The following XRCC1 variants were observed in gnomAD, a reference collection of about 807,000 sequenced individuals.
XRCC1 encodes DNA repair protein XRCC1.
A neutral mutation model predicts 83.3 loss-of-function variants in XRCC1; 52 were observed. The ratio of observed to expected loss-of-function variants is 0.62; its 90% CI spans 0.50 to 0.79. XRCC1 has a LOEUF of 0.79. XRCC1 is among the 30% of genes least tolerant of loss of function. The pLI, the probability that XRCC1 is intolerant of heterozygous loss-of-function variation, is 0.00. For synonymous variants in XRCC1, 281 were observed against 312.6 expected, an observed-to-expected ratio of 0.90 and a Z score of 1.07; for missense variants, 793 against 823.5, an observed-to-expected ratio of 0.96 and a Z score of 0.45.
intron 10 of XRCC1, among the ~76,000 whole-genome samples, chr19:43,549,831 A>G (rs756870149): frequency 6.6e-6 from 1 of 152,126 alleles, no homozygotes; most frequent in Non-Finnish European, 1.5e-5. Flanking sequence ...AAAAATATAA[A>G]ATGCTTTGTG....
Position 43,543,341 on chromosome 19 carries a change from C to T in XRCC1, c.*51G>A, listed in dbSNP as rs1972472132. 1.1e-5 allele frequency: 12 copies of T among 1,044,566 alleles called. No individual in the cohort carries two copies. Among genetic ancestry groups the T allele is most frequent in the Non-Finnish European group, 1.4e-5 (10 of 700,290 alleles). The allele number at this position is 1,044,566 out of a possible 1,614,324, so 64.7% of individuals were successfully genotyped here. A position where few individuals can be genotyped will look rare whatever the true frequency, so the allele number is the denominator to read the frequency against. ...ACCAACTCATCTTTATTAAATGCAT[C>T]GTGTGTGTGTGTGTGTGTGTGTGTG... On this transcript the variant is annotated 3_prime_UTR_variant, in exon 17 of 17. Coordinates refer to ENST00000262887, the MANE Select transcript of XRCC1 (RefSeq NM_006297.3).
Position 43,546,087 on chromosome 19 carries a change from C to T in XRCC1, c.1446G>A (p.Ala482=), listed in dbSNP as rs368774314. The change falls in exon 13 of 17, where the codon GCG becomes GCA. Residue 482 remains alanine (A), a synonymous_variant. Coordinates refer to ENST00000262887, the MANE Select transcript of XRCC1 (RefSeq NM_006297.3). ...GVQSEGQDNG[A]EDSGDTEDEL... ...CATCCTCTGTGTCCCCAGAATCTTC[C>T]GCCCCATTGTCCTGTCCTTCTGCAA... 4.3e-6 allele frequency: 7 copies of T among 1,613,790 alleles called. No individual in the cohort carries two copies. The highest frequency in any genetic ancestry group is 1.3e-5 in the African/African-American group (1 of 74,916).
At chr19:43,570,658 G>A (rs564320908) in intron 2 of XRCC1, among the ~76,000 whole-genome samples, 1 of 152,158 alleles carries the variant, frequency 6.6e-6, no homozygotes, top group Non-Finnish European at 1.5e-5. Flanking sequence ...GGCGGCACAC[G>A]CCTGTAGTCC....
chr19:43,544,735 T>C (rs1289512114), intron 14 of XRCC1, among the ~76,000 whole-genome samples: 1 of 152,160 alleles, frequency 6.6e-6, no homozygotes, highest in African/African-American at 2.4e-5. Context: ...TCTCAAACTC[T>C]TGGGCTCAAG....
chr19:43,557,910 G>C (rs1972656220), intron 3 of XRCC1, among the ~76,000 whole-genome samples: 1 of 151,634 alleles, frequency 6.6e-6, no homozygotes, highest in Non-Finnish European at 1.5e-5. Context: ...TTGAAGAGTA[G>C]AGGTCAGTGA....
chr19:43,544,567 C>T (rs1482697615), intron 14 of XRCC1, among the ~76,000 whole-genome samples: 2 of 151,560 alleles, frequency 1.3e-5, no homozygotes, highest in African/African-American at 4.9e-5. Context: ...AGTGCAGTGG[C>T]GTGATCTTGC....
chr19:43,569,534 G>A (rs1176983177), intron 2 of XRCC1, among the ~76,000 whole-genome samples: 2 of 150,770 alleles, frequency 1.3e-5, no homozygotes, highest in Non-Finnish European at 2.9e-5. Flanking sequence ...TGTAATCCCA[G>A]CACTTTGGGA....
In XRCC1 at chr19:43,558,842, T is replaced by C. The variant is rs74655929; in HGVS notation, c.255+2068A>G. On this transcript the variant is annotated intron_variant, in intron 3 of 16. Coordinates refer to ENST00000262887, the MANE Select transcript of XRCC1 (RefSeq NM_006297.3). The stretch of plus-strand genomic sequence containing the variant: ...GAAAAGGCAAGTCTTTTTTTTTTTT[T>C]CAAAGTATTTTCAGCCAGGTGCAGT... Among the ~76,000 whole-genome samples, 907 of 151,800 alleles carry C rather than the reference T, an allele frequency of 6.0e-3. 13 individuals are homozygous for C. Among genetic ancestry groups the C allele is most frequent in the African/African-American group, 0.021 (850 of 41,434 alleles).
rs56357789 is a variant in XRCC1, at chr19:43,553,454, T to C, written c.548A>G (p.Asn183Ser). 9.7e-5 allele frequency: 156 copies of C among 1,613,916 alleles called. 2 individuals carry two copies. The East Asian group carries it at 3.2e-3, about 33-fold the overall frequency. The change falls in exon 6 of 17, where the codon AAC becomes AGC. Residue 183 changes from asparagine (N) to serine (S), a missense_variant. Physicochemically the swap from Asn to Ser is conservative, Grantham distance 46 (BLOSUM62 1). Coordinates refer to ENST00000262887, the MANE Select transcript of XRCC1 (RefSeq NM_006297.3). ...FRVKEEDESA[N>S]SLRPGALFFS... ...GAAGAGAGCCCCCGGCCTCAGAGAGTTGGCGCTCTCATCCTCCTCCTTCAC... is the reference window on the plus strand; with the variant it reads ...GAAGAGAGCCCCCGGCCTCAGAGAGCTGGCGCTCTCATCCTCCTCCTTCAC...
chr19:43,573,819 G>A, intron 2 of XRCC1, among the ~76,000 whole-genome samples: 1 of 152,156 alleles, frequency 6.6e-6, no homozygotes, highest in Non-Finnish European at 1.5e-5. Flanking sequence ...AGGCTGCAGT[G>A]AGCCAAGCCA....
chr19:43,574,625 G>C (rs1449423462), intron 2 of XRCC1: 7 of 390,950 alleles, frequency 1.8e-5, no homozygotes, highest in African/African-American at 2.0e-5. Context: ...GGCAGAGTAC[G>C]TGGCAATGAT....
intron 2 of XRCC1, among the ~76,000 whole-genome samples, chr19:43,564,464 T>C (rs1408786521): frequency 6.6e-6 from 1 of 152,138 alleles, no homozygotes; most frequent in East Asian, 1.9e-4. Context: ...CCTGTTACTG[T>C]TGTACAAATT....
chr19:43,552,969 C>G lies in XRCC1; in HGVS notation c.711+13G>C, dbSNP rs10407677. On this transcript the variant is annotated intron_variant, in intron 7 of 16. Coordinates refer to ENST00000262887, the MANE Select transcript of XRCC1 (RefSeq NM_006297.3). ...CTCTCCTCCTCCACCCCACCAAAGT[C>G]TGATGATTTCACCTTGGAGGTGCTG... 3 of 1,606,776 alleles carry G rather than the reference C, an allele frequency of 1.9e-6. No homozygotes were observed. In the East Asian group the frequency reaches 6.7e-5, roughly 36 times the overall value.
intron 2 of XRCC1, among the ~76,000 whole-genome samples, chr19:43,568,207 A>G (rs1279562040): frequency 6.6e-6 from 1 of 151,488 alleles, no homozygotes; most frequent in Non-Finnish European, 1.5e-5. Context: ...TTAAAAGAAT[A>G]AGGTAGGCTG....
intron 2 of XRCC1, among the ~76,000 whole-genome samples, chr19:43,574,245 T>C (rs1268186453): frequency 6.6e-6 from 1 of 152,038 alleles, no homozygotes; most frequent in Non-Finnish European, 1.5e-5. Context: ...TCAGCTAATC[T>C]ATAAAATTTT....
rs963572413 is a variant in XRCC1, at chr19:43,560,821, G to GC, written c.255+88_255+89insG. ...CAGGTGTGACTCACATCTGCCCCAT[G>GC]TCTTCCCAGCCCCAGCCCCTGGGGG... On this transcript the variant is annotated intron_variant, in intron 3 of 16. Coordinates refer to ENST00000262887, the MANE Select transcript of XRCC1 (RefSeq NM_006297.3). The GC allele has an allele frequency of 1.5e-5, 17 of 1,101,142 alleles. No individual in the cohort carries two copies. The African/African-American group carries it at 2.5e-4, about 16-fold the overall frequency. 68.2% of individuals were successfully genotyped at this position (1,101,142 alleles called of 1,614,324 possible). A position where few individuals can be genotyped will look rare whatever the true frequency, so the allele number is the denominator to read the frequency against.
chr19:43,568,742 G>A (rs967601068), intron 2 of XRCC1, among the ~76,000 whole-genome samples: 2 of 149,444 alleles, frequency 1.3e-5, no homozygotes, highest in African/African-American at 5.1e-5. Flanking sequence ...AGAAGAATGA[G>A]GGAGCAGGAG....
At chr19:43,548,784 A>AAAAAAAAAAAAAAAAAAAAC (rs752610644) in intron 10 of XRCC1, among the ~76,000 whole-genome samples, 11 of 142,180 alleles carry the variant, frequency 7.7e-5, no homozygotes, top group Admixed American at 2.1e-4. Flanking sequence ...AAAAAAAAAA[A>AAAAAAAAAAAAAAAAAAAAC]AACACAACAG....
Position 43,543,454 on chromosome 19 carries a change from T to C in XRCC1, c.1840A>G (p.Ser614Gly). 2 of 1,613,420 alleles carry C rather than the reference T, an allele frequency of 1.2e-6. No individual in the cohort carries two copies. Among genetic ancestry groups the C allele is most frequent in the Non-Finnish European group, 1.7e-6 (2 of 1,179,944 alleles). Residue 614 changes from serine (S) to glycine (G), a missense_variant, in exon 17 of 17, where the codon AGT becomes GGT. Physicochemically the swap from Ser to Gly is moderately conservative, Grantham distance 56. Coordinates refer to ENST00000262887, the MANE Select transcript of XRCC1 (RefSeq NM_006297.3). ...LAFVRPRWIY[S>G]CNEKQKLLPH... ...AGTAACTTCTGCTTCTCATTGCAAC[T>C]GTAGATCCATCGGGGACGAACGAAT...
Sources: allele counts gnomAD v4.1 joint callset (sites outside exome capture counted in the v4.1 genomes callset), GRCh38; gene constraint gnomAD v4.1.1; transcripts MANE v1.5; gene names NCBI Gene and HGNC (gene_info 2026-07-23, HGNC 2026-07-21).